TTC34: variants seen among roughly 807,000 people sequenced by gnomAD.
TTC34 encodes tetratricopeptide repeat domain 34.
Under a neutral mutation model 40.7 loss-of-function variants are expected in TTC34, and 44 were observed. The observed-to-expected ratio is 1.08, with a 90% confidence interval of 0.85 to 1.39. The LOEUF is 1.39. Among genes scored for constraint, TTC34 ranks in the 40% most tolerant of loss-of-function variants. The pLI is 0.00. For missense variants in TTC34, 884 were observed against 838.0 expected (o/e 1.05, Z -0.68); for synonymous variants, 422 against 398.6 (o/e 1.06, Z -0.70).
chr1:2,785,298 T>TACCACAGGAGATCCCTGC (rs1553170522), intron 5 of TTC34, among the ~76,000 whole-genome samples: 4 of 151,264 alleles, frequency 2.6e-5, no homozygotes, highest in Non-Finnish European at 5.9e-5. Context: ...ACACTCCCTG[T>TACCACAGGAGATCCCTGC]ACCCCAGGAG....
At chr1:2,688,217 G>T (rs1241086183) in intron 6 of TTC34, among the ~76,000 whole-genome samples, 1 of 70,232 alleles carries the variant, frequency 1.4e-5, no homozygotes. Context: ...ACCCCCAGGG[G>T]AGCATCCGAC....
At chr1:2,749,448 A>T (rs1327313735) in intron 6 of TTC34, among the ~76,000 whole-genome samples, 2,552 of 71,030 alleles carry the variant, frequency 0.036, 4 homozygotes, top group Middle Eastern at 0.067. Context: ...CGACACCCCC[A>T]GGTGAGCATC....
chr1:2,641,777 G>A, exon 9 of TTC34: 1 of 1,535,244 alleles, frequency 6.5e-7, no homozygotes, highest in Non-Finnish European at 8.7e-7. Flanking sequence ...CAGGCAGGTG[G>A]CCCGCAGACG....
intron 6 of TTC34, among the ~76,000 whole-genome samples, chr1:2,680,939 C>A (rs1169204656): frequency 1.6e-4 from 21 of 130,906 alleles, no homozygotes; most frequent in African/African-American, 5.0e-4. Flanking sequence ...GAGCAGCACC[C>A]ATAGCCCATG....
intron 6 of TTC34, among the ~76,000 whole-genome samples, chr1:2,683,410 T>A (rs6604993): frequency 1.3e-4 from 2 of 14,936 alleles, no homozygotes; most frequent in South Asian, 2.1e-3. Flanking sequence ...GAGCATCCGA[T>A]AGCCTGGAAC....
chr1:2,642,966 C>G (rs1410952627), intron 8 of TTC34, among the ~76,000 whole-genome samples: 1 of 152,240 alleles, frequency 6.6e-6, no homozygotes, highest in East Asian at 1.9e-4. Flanking sequence ...GTGCGGCCCG[C>G]GGGACCGCCC....
intron 6 of TTC34, among the ~76,000 whole-genome samples, chr1:2,648,562 C>T (rs1211839591): frequency 6.6e-6 from 1 of 151,938 alleles, no homozygotes; most frequent in Non-Finnish European, 1.5e-5. Context: ...ATACAGCTGT[C>T]AGGAGCCTGG....
chr1:2,692,708 CAGGTGAGCATCTGAGAGCCTGGAA>C (rs1640682746), intron 6 of TTC34, among the ~76,000 whole-genome samples: 1 of 121,720 alleles, frequency 8.2e-6, no homozygotes, highest in Non-Finnish European at 1.7e-5. Flanking sequence ...ACCCACACCC[CAGGTGAGCATCTGAGAGCCTGGAA>C]CAGCACCCTG....
intron 6 of TTC34, among the ~76,000 whole-genome samples, chr1:2,750,658 A>G (rs1641287661): frequency 2.6e-5 from 4 of 152,064 alleles, no homozygotes; most frequent in African/African-American, 7.2e-5. Flanking sequence ...CCAGGTGAGC[A>G]TCTGACAGCC....
intron 6 of TTC34, among the ~76,000 whole-genome samples, chr1:2,755,886 C>A (rs1391356377): frequency 1.3e-5 from 1 of 79,490 alleles, no homozygotes; most frequent in Non-Finnish European, 2.2e-5. Context: ...ACCTGACATC[C>A]TTGAGCAGCA....
rs1328483425 is a variant in TTC34, at chr1:2,757,761, A to C, written c.2226+25848T>G. On this transcript the variant is annotated intron_variant, in intron 6 of 8. Transcript: ENST00000401095. ...GTAACAGTACCCACACCCACAGGCG[A>C]GCATCTGAACCCACGGAGCAGCACC... is the stretch of plus-strand genomic sequence containing the variant. 4.1e-5 allele frequency among the ~76,000 whole-genome samples: 6 copies of C among 146,634 alleles called. No homozygotes were observed. The East Asian group carries it at 1.2e-3, about 29-fold the overall frequency.
chr1:2,751,319 A>G (rs1641311470), intron 6 of TTC34, among the ~76,000 whole-genome samples: 1 of 118,270 alleles, frequency 8.5e-6, no homozygotes, highest in Non-Finnish European at 1.7e-5. Flanking sequence ...GTGGAGCAGA[A>G]CAAACACCCC....
At chr1:2,688,392 C>T in intron 6 of TTC34, among the ~76,000 whole-genome samples, 1 of 152,044 alleles carries the variant, frequency 6.6e-6, no homozygotes, top group African/African-American at 2.4e-5. Context: ...ATCTGACAGC[C>T]TGGAACAGCA....
exon 2 of TTC34, chr1:2,800,364 G>A (rs941319186): frequency 5.0e-6 from 2 of 398,384 alleles, no homozygotes; most frequent in Non-Finnish European, 4.4e-6. Context: ...CACACCATCC[G>A]CTGCCTGCAC....
At chr1:2,691,904 C>A (rs1213724077) in intron 6 of TTC34, among the ~76,000 whole-genome samples, 2 of 69,750 alleles carry the variant, frequency 2.9e-5, no homozygotes, top group Admixed American at 1.6e-4. Context: ...GCAACCTGCA[C>A]ACCCAGGTGA....
In TTC34 at chr1:2,775,849, C is replaced by A. The variant is rs541648697; in HGVS notation, c.2226+7760G>T. On this transcript the variant is annotated intron_variant, in intron 6 of 8. Transcript: ENST00000401095. ...GTGCCCACCCCTGGGTGAGGATGCTCACCTGAGGTTGGGAGTGCCAGTCCA... is the reference window on the plus strand; with the variant it reads ...GTGCCCACCCCTGGGTGAGGATGCTAACCTGAGGTTGGGAGTGCCAGTCCA... Among the ~76,000 whole-genome samples, 2 of 143,686 alleles carry A rather than the reference C, an allele frequency of 1.4e-5. 1 individual carries two copies. The highest frequency in any genetic ancestry group is 5.7e-5 in the African/African-American group (2 of 34,888). The allele number at this position is 143,686 out of a possible 152,430, so 94.3% of individuals were successfully genotyped here. A position where few individuals can be genotyped will look rare whatever the true frequency, so the allele number is the denominator to read the frequency against.
intron 6 of TTC34, among the ~76,000 whole-genome samples, chr1:2,695,077 C>A (rs1365633102): frequency 4.0e-5 from 6 of 151,230 alleles, no homozygotes; most frequent in African/African-American, 4.9e-5. Context: ...CACACACCCC[C>A]AGGCGAGCAT....
chr1:2,642,972 C>T (rs1337097339), intron 8 of TTC34, among the ~76,000 whole-genome samples: 1 of 152,240 alleles, frequency 6.6e-6, no homozygotes, highest in Non-Finnish European at 1.5e-5. Flanking sequence ...CCCGCGGGAC[C>T]GCCCCTCTCC....
At chr1:2,797,281 C>T (rs1481260480) in intron 2 of TTC34, among the ~76,000 whole-genome samples, 1 of 151,636 alleles carries the variant, frequency 6.6e-6, no homozygotes, top group Non-Finnish European at 1.5e-5. Flanking sequence ...CCATCCTCAC[C>T]TCCAGATGTC....
Sources: allele counts gnomAD v4.1 joint callset (sites outside exome capture counted in the v4.1 genomes callset), GRCh38; gene constraint gnomAD v4.1.1; transcripts MANE v1.5; gene names NCBI Gene and HGNC (gene_info 2026-07-23, HGNC 2026-07-21).